KCNT2: variants seen among roughly 807,000 people sequenced by gnomAD.
The protein encoded by KCNT2 is potassium sodium-activated channel subfamily T member 2, also known as potassium channel subfamily T member 2.
KCNT2 carries 67 observed loss-of-function variants against 153.8 expected under a neutral mutation model. The ratio of observed to expected loss-of-function variants is 0.44; its 90% confidence interval spans 0.36 to 0.53. The LOEUF (loss-of-function observed/expected upper bound fraction) is 0.53. Ranked by LOEUF, KCNT2 falls within the 20% of genes least tolerant of loss-of-function variation. KCNT2 has a pLI of 0.00. For synonymous variants in KCNT2, 500 were observed against 458.8 expected (o/e 1.09, Z -1.15); for missense variants, 975 against 1,354.8 (o/e 0.72, Z 4.40).
chr1:196,404,179 C>G, intron 12 of KCNT2: 3 of 970,604 alleles, frequency 3.1e-6, no homozygotes, highest in Non-Finnish European at 3.7e-6. Context: ...CCTCTAAAGA[C>G]TGCTCTAATA....
Position 196,429,577 on chromosome 1 carries a change from C to T in KCNT2, c.819G>A (p.Gln273=). ...TGCAATATAAGATGGTTTTGTTTAC[C>T]TGTATGGGTAGAACCACAAGAGCAA... ...ICVALVVLPI[Q]FEQLAYLWME... is the part of the protein sequence containing the mutation. Residue 273 remains glutamine, a splice_region_variant and synonymous_variant, in exon 9 of 28, where the codon CAG becomes CAA. Transcript: ENST00000294725. 2 of 1,596,640 alleles carry T rather than the reference C, an allele frequency of 1.3e-6. No individual in the cohort carries two copies. The highest frequency in any genetic ancestry group is 1.7e-6 in the Non-Finnish European group (2 of 1,173,190).
chr1:196,585,456 A>G (rs1375053007), intron 1 of KCNT2, among the ~76,000 whole-genome samples: 1 of 152,112 alleles, frequency 6.6e-6, no homozygotes, highest in Non-Finnish European at 1.5e-5. Context: ...GACCACACAT[A>G]TTTATCTAAA....
intron 22 of KCNT2, among the ~76,000 whole-genome samples, chr1:196,295,803 G>C (rs1047411614): frequency 1.3e-5 from 2 of 151,956 alleles, no homozygotes; most frequent in Non-Finnish European, 2.9e-5. Flanking sequence ...TTAGTTTTAA[G>C]TTAGGAAGGC....
chr1:196,237,343 T>A (rs536936118), intron 26 of KCNT2, among the ~76,000 whole-genome samples: 1 of 151,652 alleles, frequency 6.6e-6, no homozygotes. Flanking sequence ...AAAACAAAAA[T>A]CCTTATCTTT....
intron 25 of KCNT2, among the ~76,000 whole-genome samples, chr1:196,278,152 T>C (rs1481138383): frequency 6.6e-6 from 1 of 152,170 alleles, no homozygotes; most frequent in African/African-American, 2.4e-5. Context: ...AATTACTATA[T>C]AGATCAACAT....
intron 1 of KCNT2, among the ~76,000 whole-genome samples, chr1:196,563,552 T>C (rs1659704748): frequency 6.7e-6 from 1 of 149,400 alleles, no homozygotes; most frequent in African/African-American, 2.5e-5. Flanking sequence ...ATACCAAAAA[T>C]AGACAAAGAA....
chr1:196,536,757 C>T (rs1229621782), intron 1 of KCNT2, among the ~76,000 whole-genome samples: 5 of 152,180 alleles, frequency 3.3e-5, no homozygotes, highest in Admixed American at 1.3e-4. Context: ...GCAGCCTATC[C>T]TGTCACACTC....
In KCNT2 at chr1:196,285,653, A is replaced by T. The variant is rs749078530; in HGVS notation, c.2697+4T>A. 2 of 1,560,324 alleles carry T rather than the reference A, an allele frequency of 1.3e-6. No individual in the cohort carries two copies. Among genetic ancestry groups the T allele is most frequent in the Admixed American group, 3.4e-5 (2 of 59,012 alleles). On this transcript the variant is annotated splice_donor_region_variant and intron_variant, in intron 23 of 27. Coordinates refer to ENST00000294725, the MANE Select transcript of KCNT2 (RefSeq NM_198503.5). ...TAGAGAAAATAAAAAGAAATATTGT[A>T]TACCTGATACAGCAGAGTGTCCAAC...
At chr1:196,326,135 G>C (rs1490020575) in intron 19 of KCNT2, among the ~76,000 whole-genome samples, 1 of 152,008 alleles carries the variant, frequency 6.6e-6, no homozygotes, top group Non-Finnish European at 1.5e-5. Context: ...ATTTATATTT[G>C]CATAAGAATT....
Position 196,608,286 on chromosome 1 carries a change from C to A in KCNT2, c.24G>T (p.Val8=), listed in dbSNP as rs375102050. The A allele has an allele frequency of 3.7e-6, 6 of 1,614,096 alleles. No homozygotes were observed. The African/African-American group carries it at 6.7e-5, about 18-fold the overall frequency. Reference sequence around the variant, plus strand: ...ACCTGTACCTGGGAGGCAGAGGGGGCACTTCGCTCTCCAAATCAACCATCC... The same window carrying A: ...ACCTGTACCTGGGAGGCAGAGGGGGAACTTCGCTCTCCAAATCAACCATCC... MVDLESE[V]PPLPPRYRFR... Residue 8 remains valine, a synonymous_variant, in exon 1 of 28, where the codon GTG becomes GTT. Coordinates refer to ENST00000294725, the MANE Select transcript of KCNT2 (RefSeq NM_198503.5).
intron 1 of KCNT2, among the ~76,000 whole-genome samples, chr1:196,561,652 C>CAATAAAAAAA (rs1659406378): frequency 4.1e-5 from 1 of 24,154 alleles, no homozygotes; most frequent in Non-Finnish European, 9.9e-5. Context: ...GACTTCATCT[C>CAATAAAAAAA]AAAAAAAAAA....
At chr1:196,562,640 A>G (rs558462939) in intron 1 of KCNT2, among the ~76,000 whole-genome samples, 2 of 152,076 alleles carry the variant, frequency 1.3e-5, no homozygotes, top group East Asian at 1.9e-4. Context: ...AAACAAAAAT[A>G]ATAAATTGGT....
intron 26 of KCNT2, among the ~76,000 whole-genome samples, chr1:196,254,355 C>A (rs534473101): frequency 2.0e-5 from 3 of 151,254 alleles, no homozygotes; most frequent in Admixed American, 6.6e-5. Flanking sequence ...TTAGGAAAAG[C>A]TAAATGATAT....
intron 3 of KCNT2, 51 bp downstream of exon 3, chr1:196,489,787 A>G: frequency 1.0e-6 from 1 of 992,428 alleles, no homozygotes; most frequent in Non-Finnish European, 1.6e-6. Context: ...ATGTGATACA[A>G]CTCAAAATAA....
intron 21 of KCNT2, among the ~76,000 whole-genome samples, chr1:196,307,254 T>C (rs1415830888): frequency 3.9e-5 from 6 of 152,132 alleles, no homozygotes; most frequent in Non-Finnish European, 8.8e-5. Context: ...TACTATTTTC[T>C]TAGTTTTTAA....
At chr1:196,565,507 A>G (rs1186237382) in intron 1 of KCNT2, among the ~76,000 whole-genome samples, 5 of 151,816 alleles carry the variant, frequency 3.3e-5, no homozygotes, top group African/African-American at 1.2e-4. Context: ...AGCATTATTC[A>G]CAATAGCCAA....
intron 22 of KCNT2, among the ~76,000 whole-genome samples, chr1:196,298,514 C>T (rs531764530): frequency 7.9e-5 from 12 of 152,124 alleles, no homozygotes; most frequent in Non-Finnish European, 5.9e-5. Flanking sequence ...CAGGAACTTC[C>T]GTGACTGTGA....
In KCNT2 at chr1:196,226,675, C is replaced by A. The variant is rs962606737; in HGVS notation, c.*1549G>T. The A allele has an allele frequency of 2.0e-5, 3 of 151,924 alleles. No individual in the cohort carries two copies. The highest frequency in any genetic ancestry group is 7.2e-5 in the African/African-American group (3 of 41,418). The allele number at this position is 151,924 out of a possible 1,614,324, so 9.4% of individuals were successfully genotyped here. ...ATCTTTGATTTCACATTGCACTTTA[C>A]AGTTTTATTTCTGTAGAATTATTGA... On this transcript the variant is annotated 3_prime_UTR_variant, in exon 28 of 28. Transcript: ENST00000294725.
intron 22 of KCNT2, among the ~76,000 whole-genome samples, chr1:196,294,122 C>T (rs1446218388): frequency 6.6e-6 from 1 of 152,038 alleles, no homozygotes; most frequent in Non-Finnish European, 1.5e-5. Flanking sequence ...CACTGATCAT[C>T]AGGGAAATGC....
Sources: allele counts gnomAD v4.1 joint callset (sites outside exome capture counted in the v4.1 genomes callset), GRCh38; gene constraint gnomAD v4.1.1; transcripts MANE v1.5; gene names NCBI Gene and HGNC (gene_info 2026-07-23, HGNC 2026-07-21).